BCAS3: variants seen among roughly 807,000 people sequenced by gnomAD.
BCAS3 encodes BCAS3 microtubule associated cell migration factor, also known as BCAS4/BCAS3 fusion.
Under a neutral mutation model 116.1 loss-of-function variants are expected in BCAS3, and 53 were observed. The ratio of observed to expected loss-of-function variants is 0.46; its 90% CI spans 0.37 to 0.57. The LOEUF is 0.57. Ranked by LOEUF, BCAS3 falls within the 20% of genes least tolerant of loss-of-function variation. BCAS3 has a pLI of 0.00. For synonymous variants in BCAS3, 391 were observed against 408.2 expected, an observed-to-expected ratio of 0.96 and a Z score of 0.51; for missense variants, 917 against 1,165.4, an observed-to-expected ratio of 0.79 and a Z score of 3.10.
intron 15 of BCAS3, among the ~76,000 whole-genome samples, chr17:61,006,283 C>T (rs1485702897): frequency 3.3e-5 from 5 of 152,018 alleles, no homozygotes; most frequent in African/African-American, 1.2e-4. Flanking sequence ...ATAAGTTCTG[C>T]AAATGTAAAA....
At chr17:60,944,690 T>G (rs763307895) in intron 13 of BCAS3, among the ~76,000 whole-genome samples, 1 of 152,130 alleles carries the variant, frequency 6.6e-6, no homozygotes, top group African/African-American at 2.4e-5. Flanking sequence ...ACGAGGCTTA[T>G]CCCAAGAATG....
At chr17:61,172,703 T>G (rs1217741609) in intron 22 of BCAS3, among the ~76,000 whole-genome samples, 1 of 150,706 alleles carries the variant, frequency 6.6e-6, no homozygotes, top group East Asian at 2.0e-4. Context: ...TCTAAAGGAT[T>G]GGCTGGGCGC....
intron 4 of BCAS3, among the ~76,000 whole-genome samples, chr17:60,708,553 C>T (rs1202608596): frequency 5.3e-5 from 8 of 151,880 alleles, no homozygotes; most frequent in Non-Finnish European, 7.4e-5. Context: ...ATTTTCGAGA[C>T]GGAGTCTTGC....
At chr17:60,713,769 TG>T (rs1386992800) in intron 5 of BCAS3, among the ~76,000 whole-genome samples, 1 of 152,226 alleles carries the variant, frequency 6.6e-6, no homozygotes, top group Non-Finnish European at 1.5e-5. Flanking sequence ...TTGGTATTCA[TG>T]GGTGGTTTGT....
chr17:60,923,225 A>T (rs1419426150), intron 12 of BCAS3, among the ~76,000 whole-genome samples: 1 of 152,196 alleles, frequency 6.6e-6, no homozygotes, highest in Non-Finnish European at 1.5e-5. Flanking sequence ...AGGCATAAAG[A>T]TCTGACAGGA....
chr17:60,743,434 A>G (rs1036692729), intron 5 of BCAS3, among the ~76,000 whole-genome samples: 1 of 151,912 alleles, frequency 6.6e-6, no homozygotes, highest in Non-Finnish European at 1.5e-5. Context: ...GTACGTTAAC[A>G]TTTAAAATTC....
rs546390060 is a variant in BCAS3 at position 61,007,673 on chromosome 17, A to T, written c.1487-8078A>T. Among the ~76,000 whole-genome samples the T allele has an allele frequency of 6.6e-6, 1 of 151,930 alleles. No individual in the cohort carries two copies. The highest frequency in any genetic ancestry group is 1.9e-4 in the East Asian group (1 of 5,170). On this transcript the variant is annotated intron_variant, in intron 15 of 23. Coordinates refer to ENST00000407086, the MANE Select transcript of BCAS3 (RefSeq NM_017679.5). The surrounding 1 kb of genome is among the most constrained non-coding windows in gnomAD (Gnocchi z 4.3). ...TTGTATGTAGTGGGGAGAAGTGATG[A>T]CACTATCATTAATAATCTCAATCCC...
At chr17:60,927,233 C>T (rs1331676050) in intron 13 of BCAS3, among the ~76,000 whole-genome samples, 2 of 150,850 alleles carry the variant, frequency 1.3e-5, no homozygotes, top group Non-Finnish European at 3.0e-5. Flanking sequence ...TTATTTTTTT[C>T]TTTCTTTCTT....
intron 4 of BCAS3, among the ~76,000 whole-genome samples, chr17:60,697,917 C>T (rs1304407798): frequency 1.3e-5 from 2 of 152,040 alleles, no homozygotes; most frequent in African/African-American, 4.8e-5. Context: ...CGATGGCTCA[C>T]GCCTGTAATC....
rs560982056 is a variant in BCAS3 at position 61,007,708 on chromosome 17, TA to T, written c.1487-8031del. ...TAATAATCTCAATCCCCATCCTGTT[TA>T]AAAAAAAAAAAGAAAGATTGGATTC... On this transcript the variant is annotated intron_variant, in intron 15 of 23. Coordinates refer to ENST00000407086, the MANE Select transcript of BCAS3 (RefSeq NM_017679.5). The surrounding 1 kb of genome is among the most constrained non-coding windows in gnomAD (Gnocchi z 4.3). Among the ~76,000 whole-genome samples, 129 of 144,320 alleles carry T rather than the reference TA, an allele frequency of 8.9e-4. No homozygotes were observed. The highest frequency in any genetic ancestry group is 9.8e-4 in the Admixed American group (14 of 14,358). 94.7% of individuals were successfully genotyped at this position (144,320 alleles called of 152,430 possible).
chr17:61,193,364 C>T (rs938218189), intron 22 of BCAS3, among the ~76,000 whole-genome samples: 7 of 152,052 alleles, frequency 4.6e-5, no homozygotes, highest in African/African-American at 1.7e-4. Flanking sequence ...AGAAAACTGT[C>T]AGTGCAATAC....
Position 60,898,259 on chromosome 17 carries a change from A to G in BCAS3, c.739-4361A>G, listed in dbSNP as rs535788208. Among the ~76,000 whole-genome samples, 4 of 152,242 alleles carry G rather than the reference A, an allele frequency of 2.6e-5. No individual in the cohort carries two copies. In the East Asian group the frequency reaches 7.7e-4, roughly 29 times the overall value. On this transcript the variant is annotated intron_variant, in intron 10 of 23. Coordinates refer to ENST00000407086, the MANE Select transcript of BCAS3 (RefSeq NM_017679.5). ...AGAGTTATTGTGTTTCTTTGGAGGC[A>G]TCATATTTTATTTTTCATGTTTCCT... is the stretch of plus-strand genomic sequence containing the variant.
At chr17:60,808,951 T>C (rs1375232647) in intron 7 of BCAS3, among the ~76,000 whole-genome samples, 1 of 151,996 alleles carries the variant, frequency 6.6e-6, no homozygotes, top group East Asian at 1.9e-4. Flanking sequence ...TATAATATAG[T>C]AGTGGAAGAG....
chr17:61,053,475 A>T (rs959421879), intron 19 of BCAS3, among the ~76,000 whole-genome samples: 1 of 152,218 alleles, frequency 6.6e-6, no homozygotes, highest in African/African-American at 2.4e-5. Context: ...AAAGTTAAAG[A>T]AATTATTGGT....
At chr17:61,238,202 G>A (rs1332537359) in intron 22 of BCAS3, among the ~76,000 whole-genome samples, 2 of 148,086 alleles carry the variant, frequency 1.4e-5, no homozygotes, top group African/African-American at 5.0e-5. Flanking sequence ...ACAGGCACCC[G>A]CCACCACACC....
chr17:61,234,308 G>A (rs1257739549), intron 22 of BCAS3, among the ~76,000 whole-genome samples: 1 of 152,030 alleles, frequency 6.6e-6, no homozygotes, highest in Non-Finnish European at 1.5e-5. Flanking sequence ...CTACACCATT[G>A]CTGAGCAGGT....
At chr17:60,752,422 ATT>A (rs61036201) in intron 6 of BCAS3, among the ~76,000 whole-genome samples, 9 of 146,810 alleles carry the variant, frequency 6.1e-5, no homozygotes, top group South Asian at 2.1e-4. Context: ...TGTGTATTTC[ATT>A]TTTTTTTTTC....
In BCAS3 at chr17:61,211,652, A is replaced by C. The variant is rs1487141788; in HGVS notation, c.2425+127088A>C. The stretch of plus-strand genomic sequence containing the variant: ...ATTAGACTGAACTTCTTATGTTTGC[A>C]TCCAGGTCATTTCTCCATAAAAAAA... On this transcript the variant is annotated intron_variant, in intron 22 of 23. Coordinates refer to ENST00000407086, the MANE Select transcript of BCAS3 (RefSeq NM_017679.5). This position sits in a 1 kb window ranked among gnomAD's most constrained non-coding sequence, Gnocchi z 4.4. Among the ~76,000 whole-genome samples, 19 of 135,254 alleles carry C rather than the reference A, an allele frequency of 1.4e-4. No individual in the cohort carries two copies. Among genetic ancestry groups the C allele is most frequent in the Non-Finnish European group, 1.6e-5 (1 of 63,492 alleles). The allele number at this position is 135,254 out of a possible 152,430, so 88.7% of individuals were successfully genotyped here. A position where few individuals can be genotyped will look rare whatever the true frequency, so the allele number is the denominator to read the frequency against.
At chr17:60,955,894 T>C (rs2061106228) in intron 14 of BCAS3, among the ~76,000 whole-genome samples, 1 of 152,232 alleles carries the variant, frequency 6.6e-6, no homozygotes, top group Admixed American at 6.5e-5. Flanking sequence ...CTGGTTCTTA[T>C]TGCATCCTAT....
Sources: allele counts gnomAD v4.1 joint callset (sites outside exome capture counted in the v4.1 genomes callset), GRCh38; gene constraint gnomAD v4.1.1; non-coding constraint Gnocchi (gnomAD v3.1); transcripts MANE v1.5; gene names NCBI Gene and HGNC (gene_info 2026-07-23, HGNC 2026-07-21).